The following ANKRD26 variants were observed in gnomAD, a reference collection of about 807,000 sequenced individuals.
ANKRD26 encodes the protein ankyrin repeat domain 26.
Under a neutral mutation model 208.7 loss-of-function variants are expected in ANKRD26, and 141 were observed. The observed-to-expected ratio is 0.68, with a 90% CI of 0.59 to 0.78. The LOEUF (loss-of-function observed/expected upper bound fraction) is 0.78, where lower values mean the gene tolerates loss of function less well. Ranked by LOEUF, ANKRD26 falls within the 30% of genes least tolerant of loss-of-function variation. ANKRD26 has a pLI of 0.00. For synonymous variants in ANKRD26, 636 were observed against 660.4 expected (o/e 0.96, Z 0.57); for missense variants, 1,889 against 1,938.7 (o/e 0.97, Z 0.48).
At chr10:26,964,898 G>C in the ANKRD26 span, among the ~76,000 whole-genome samples, 1 of 152,172 alleles carries the variant, frequency 6.6e-6, no homozygotes, top group African/African-American at 2.4e-5. Flanking sequence ...ATACAAATCT[G>C]AGATAAACTT....
intron 17 of ANKRD26, among the ~76,000 whole-genome samples, chr10:27,046,958 G>T (rs111430404): frequency 6.6e-6 from 1 of 151,914 alleles, no homozygotes; most frequent in Non-Finnish European, 1.5e-5. Context: ...TTAGGCACAC[G>T]GCATCTAGAT....
At chr10:26,996,139 T>G (rs1429378889) in intron 4 of ANKRD26, among the ~76,000 whole-genome samples, 1 of 152,188 alleles carries the variant, frequency 6.6e-6, no homozygotes, top group East Asian at 1.9e-4. Context: ...TTTACTGCTC[T>G]CAAATTCTGT....
At chr10:27,075,620 C>T (rs1230250824) in intron 9 of ANKRD26, among the ~76,000 whole-genome samples, 2 of 152,054 alleles carry the variant, frequency 1.3e-5, no homozygotes, top group Non-Finnish European at 2.9e-5. Flanking sequence ...CCTAAGAAAA[C>T]CTAAGAAAAG....
chr10:27,025,512 C>T (rs2053632804), intron 27 of ANKRD26, among the ~76,000 whole-genome samples: 1 of 152,088 alleles, frequency 6.6e-6, no homozygotes, highest in Non-Finnish European at 1.5e-5. Flanking sequence ...TAGAGATCTA[C>T]TTCTTCATCA....
intron 4 of ANKRD26, among the ~76,000 whole-genome samples, chr10:26,981,030 G>A (rs1051291548): frequency 1.3e-5 from 2 of 152,282 alleles, no homozygotes; most frequent in South Asian, 2.1e-4. Context: ...CATTCTGGCT[G>A]TTGAGTTTTT....
At chr10:27,028,768 A>G in intron 27 of ANKRD26, 84 bp downstream of exon 27, 1 of 1,147,736 alleles carries the variant, frequency 8.7e-7, no homozygotes, top group Non-Finnish European at 1.3e-6. Context: ...GGTCTCAAGC[A>G]TTTTAAATAA....
intron 6 of ANKRD26, chr10:27,080,585 T>C: frequency 1.0e-6 from 1 of 960,996 alleles, no homozygotes; most frequent in Non-Finnish European, 1.2e-6. Flanking sequence ...AGAGTCCTGG[T>C]AGTTGTACCT....
At chr10:27,096,673 C>A (rs570889449) in intron 1 of ANKRD26, among the ~76,000 whole-genome samples, 1 of 142,476 alleles carries the variant, frequency 7.0e-6, no homozygotes. Context: ...GGCTGAGGCA[C>A]GAGAATTGCT....
At chr10:26,970,496 G>A (rs547642395), downstream of ANKRD26, among the ~76,000 whole-genome samples, 294 of 152,224 alleles carry the variant, frequency 1.9e-3, 6 homozygotes, top group Non-Finnish European at 1.0e-3. Flanking sequence ...CATGTGAGGT[G>A]CCTGCTCCCC....
chr10:27,081,889 A>G (rs929201022), intron 6 of ANKRD26, among the ~76,000 whole-genome samples: 21 of 152,022 alleles, frequency 1.4e-4, no homozygotes, highest in African/African-American at 2.9e-4. Flanking sequence ...GGCGTGCGCC[A>G]CCACGCCTGG....
chr10:26,972,043 G>T (rs969769238), downstream of ANKRD26, among the ~76,000 whole-genome samples: 1 of 152,040 alleles, frequency 6.6e-6, no homozygotes, highest in East Asian at 1.9e-4. Flanking sequence ...AGACCATCCT[G>T]GCTAACACGG....
At chr10:26,990,532 G>C (rs2052467845), downstream of ANKRD26, among the ~76,000 whole-genome samples, 1 of 152,134 alleles carries the variant, frequency 6.6e-6, no homozygotes, top group Non-Finnish European at 1.5e-5. Context: ...AGGTGCAGGA[G>C]AGGTCAGTTC....
chr10:26,951,019 CTT>C, the ANKRD26 span, among the ~76,000 whole-genome samples: 3 of 48,590 alleles, frequency 6.2e-5, no homozygotes, highest in Admixed American at 3.9e-4. Context: ...TTTTCTTTTT[CTT>C]TTTTTTTTTT....
At position 27,017,656 on chromosome 10, in the gene ANKRD26, T is replaced by C. The variant is rs779629024; in HGVS notation, c.4352A>G (p.Lys1451Arg). ...GATCACTTCTTGTTCCAACTTCTTT[T>C]TATTCTTCTGTAGTTTTTCACATTT... ...QKKCEKLQKN[K>R]KKLEQEVINL... The change falls in exon 30 of 34, where the codon AAA becomes AGA. Residue 1451 changes from lysine to arginine, a missense_variant. Transcript: ENST00000376087. The C allele has an allele frequency of 1.9e-6, 3 of 1,613,680 alleles. No homozygotes were observed. In the South Asian group the frequency reaches 3.3e-5, roughly 18 times the overall value.
intron 21 of ANKRD26, among the ~76,000 whole-genome samples, chr10:27,039,531 T>C (rs2054159272): frequency 1.3e-5 from 2 of 152,022 alleles, no homozygotes; most frequent in Admixed American, 6.6e-5. Context: ...AACTAAACTT[T>C]CCTGAGAACA....
Position 27,033,963 on chromosome 10 carries a change from A to G in ANKRD26, c.3655-586T>C, listed in dbSNP as rs375578180. On this transcript the variant is annotated intron_variant, in intron 24 of 33. Transcript: ENST00000376087. ...TCCTGCCACCCCTCATTAGTGTGAAAATGGTGGTCCAATGCCAAACTAATA... is the reference window on the plus strand; with the variant it reads ...TCCTGCCACCCCTCATTAGTGTGAAGATGGTGGTCCAATGCCAAACTAATA... Among the ~76,000 whole-genome samples the G allele has an allele frequency of 6.6e-5, 10 of 152,296 alleles. No individual in the cohort carries two copies. The South Asian group carries it at 2.1e-3, about 32-fold the overall frequency.
Position 27,035,585 on chromosome 10 carries a change from G to T in ANKRD26, c.2865C>A (p.Asp955Glu). The T allele has an allele frequency of 6.2e-7, 1 of 1,608,524 alleles. No homozygotes were observed. The highest frequency in any genetic ancestry group is 8.5e-7 in the Non-Finnish European group (1 of 1,178,306). Residue 955 changes from aspartate to glutamate, a missense_variant, in exon 24 of 34, where the codon GAC becomes GAA. Coordinates refer to ENST00000376087, the MANE Select transcript of ANKRD26 (RefSeq NM_014915.3). ...CATTCTGTTTTATAGTCTTCTGAAG[G>T]TCTTCATTCTTTTCTTTTACAATTT... ...DLKIVKEKNE[D>E]LQKTIKQNEE...
intron 3 of ANKRD26, among the ~76,000 whole-genome samples, chr10:26,984,620 A>T (rs2052356553): frequency 6.6e-6 from 1 of 152,172 alleles, no homozygotes; most frequent in South Asian, 2.1e-4. Flanking sequence ...CTTTACCAAA[A>T]CTTGGCTTTT....
intron 24 of ANKRD26, 104 bp downstream of exon 24, chr10:27,034,692 A>C: frequency 1.4e-6 from 1 of 719,222 alleles, no homozygotes; most frequent in Non-Finnish European, 2.2e-6. Flanking sequence ...CTGATAGAGT[A>C]AATAAGCTTA....
Sources: allele counts gnomAD v4.1 joint callset (sites outside exome capture counted in the v4.1 genomes callset), GRCh38; gene constraint gnomAD v4.1.1; transcripts MANE v1.5; gene names NCBI Gene and HGNC (gene_info 2026-07-23, HGNC 2026-07-21).